The following ZNF707 variants were observed in gnomAD, a reference collection of about 807,000 sequenced individuals.
The protein encoded by ZNF707 is zinc finger protein 707.
In ZNF707, 8 loss-of-function variants were observed where a neutral mutation model predicts 13.3. The observed-to-expected ratio is 0.60, with a 90% CI of 0.35 to 1.09. The LOEUF is 1.09. Ranked by LOEUF, ZNF707 falls within the 50% of genes least tolerant of loss-of-function variation. The pLI is 0.02. For missense variants in ZNF707, 530 were observed against 512.6 expected (o/e 1.03, Z -0.33); for synonymous variants, 225 against 205.6 (o/e 1.09, Z -0.81).
rs568552559 is a variant in ZNF707, at chr8:143,685,450, CA to C, written c.-151+910del. Among the ~76,000 whole-genome samples, 96 of 151,496 alleles carry C rather than the reference CA, an allele frequency of 6.3e-4. 7 individuals carry two copies. In the South Asian group the frequency reaches 0.019, roughly 30 times the overall value. On this transcript the variant is annotated intron_variant, in intron 1 of 5. Coordinates refer to ENST00000358656, the MANE Select transcript of ZNF707 (RefSeq NM_001100598.2). ...CTGAGGCAAGAGAATCGTTTGAACC[CA>C]AGAGGCAGAGGTTGCAGTGAGCAGA...
chr8:143,694,790 G>C lies in ZNF707; in HGVS notation c.*260G>C. 1 of 469,288 alleles carries C rather than the reference G, an allele frequency of 2.1e-6. No homozygotes were observed. The highest frequency in any genetic ancestry group is 3.7e-6 in the Non-Finnish European group (1 of 267,402). 29.1% of individuals were successfully genotyped at this position (469,288 alleles called of 1,614,324 possible). On this transcript the variant is annotated 3_prime_UTR_variant, in exon 6 of 6. Coordinates refer to ENST00000358656, the MANE Select transcript of ZNF707 (RefSeq NM_001100598.2). This position sits in a 1 kb window ranked among gnomAD's most constrained non-coding sequence, Gnocchi z 4.4. ...CCCCGGCGCCGGGCATCCTGGGGAT[G>C]TGCTGAGAGTGTGCGCGACCCCGGA...
At chr8:143,688,456 G>A (rs1554612731) in intron 1 of ZNF707, among the ~76,000 whole-genome samples, 1 of 152,036 alleles carries the variant, frequency 6.6e-6, no homozygotes, top group Non-Finnish European at 1.5e-5. Flanking sequence ...GCAGGTGGTG[G>A]AGGGAGCCTC....
Position 143,694,800 on chromosome 8 carries a change from T to C in ZNF707, c.*270T>C, listed in dbSNP as rs1335417950. On this transcript the variant is annotated 3_prime_UTR_variant, in exon 6 of 6. Transcript: ENST00000358656. The surrounding 1 kb of genome is among the most constrained non-coding windows in gnomAD (Gnocchi z 4.4). The stretch of plus-strand genomic sequence containing the variant: ...GGGCATCCTGGGGATGTGCTGAGAG[T>C]GTGCGCGACCCCGGAGCCACGTGCC... 7 of 420,344 alleles carry C rather than the reference T, an allele frequency of 1.7e-5. No homozygotes were observed. Among genetic ancestry groups the C allele is most frequent in the Non-Finnish European group, 2.9e-5 (7 of 238,320 alleles). 26.0% of individuals were successfully genotyped at this position (420,344 alleles called of 1,614,324 possible). A position where few individuals can be genotyped will look rare whatever the true frequency, so the allele number is the denominator to read the frequency against.
intron 4 of ZNF707, 71 bp downstream of exon 4, chr8:143,691,270 C>A: frequency 1.3e-6 from 2 of 1,539,328 alleles, no homozygotes; most frequent in Non-Finnish European, 1.8e-6. Context: ...CCTCTGGGCC[C>A]AGCTCGTCCA....
At chr8:143,692,155 C>G (rs1816870686) in intron 5 of ZNF707, 2 of 1,298,368 alleles carry the variant, frequency 1.5e-6, no homozygotes, top group Non-Finnish European at 1.0e-6. Flanking sequence ...GTTTGCAAAA[C>G]TGGGACAGTG....
At chr8:143,690,866 TC>T in intron 3 of ZNF707, 1 of 669,878 alleles carries the variant, frequency 1.5e-6, no homozygotes, top group Non-Finnish European at 2.5e-6. Context: ...GCCCCTCCCT[TC>T]TGACCTCACT....
chr8:143,684,938 G>C (rs1465605063), intron 1 of ZNF707: 5 of 152,326 alleles, frequency 3.3e-5, no homozygotes, highest in Admixed American at 3.3e-4. Context: ...CCCGGCCCCA[G>C]GCTGAGCTCC....
intron 5 of ZNF707, chr8:143,691,927 A>G: frequency 8.4e-7 from 1 of 1,192,874 alleles, no homozygotes; most frequent in Non-Finnish European, 1.2e-6. Context: ...CGAAAGGCAT[A>G]GTGCTGCAGG....
Position 143,694,077 on chromosome 8 carries a change from C to T in ZNF707, c.663C>T (p.Arg221=). ...TCCGGTGGGCTTCAAACCTGCAGCG[C>T]CACCAGAAGAACCACACGCGCGAGA... ...QTFRWASNLQ[R]HQKNHTREKP... is the part of the protein sequence containing the mutation. Residue 221 remains arginine (R), a synonymous_variant, in exon 6 of 6, where the codon CGC becomes CGT. Transcript: ENST00000358656. This position sits in a 1 kb window ranked among gnomAD's most constrained non-coding sequence, Gnocchi z 4.4. 6.2e-7 allele frequency: 1 copy of T among 1,608,236 alleles called. No individual in the cohort carries two copies. Among genetic ancestry groups the T allele is most frequent in the South Asian group, 1.1e-5 (1 of 90,676 alleles).
intron 5 of ZNF707, 36 bp downstream of exon 5, chr8:143,691,749 T>A: frequency 6.6e-7 from 1 of 1,512,988 alleles, no homozygotes; most frequent in South Asian, 1.2e-5. Context: ...GCGGGCCCCG[T>A]CCCTGTGGCC....
rs1408501839 is a variant in ZNF707 at position 143,694,198 on chromosome 8, T to G, written c.784T>G (p.Cys262Gly). 2 of 1,573,848 alleles carry G rather than the reference T, an allele frequency of 1.3e-6. No individual in the cohort carries two copies. Among genetic ancestry groups the G allele is most frequent in the Non-Finnish European group, 1.7e-6 (2 of 1,160,544 alleles). ...KVHTEHRPYSCGDCGKAFKQK... is the reference protein window; with the variant it reads ...KVHTEHRPYSGGDCGKAFKQK... Reference sequence around the variant, plus strand: ...CCACACCGAGCACAGGCCCTACTCGTGTGGCGACTGTGGGAAAGCCTTCAA... The same window carrying G: ...CCACACCGAGCACAGGCCCTACTCGGGTGGCGACTGTGGGAAAGCCTTCAA... Residue 262 changes from cysteine (C) to glycine (G), a missense_variant, in exon 6 of 6, where the codon TGT becomes GGT. Coordinates refer to ENST00000358656, the MANE Select transcript of ZNF707 (RefSeq NM_001100598.2). This position sits in a 1 kb window ranked among gnomAD's most constrained non-coding sequence, Gnocchi z 4.4.
In ZNF707 at chr8:143,688,944, G is replaced by A. The variant is rs4875037; in HGVS notation, c.-150-260G>A. ...CTTGTAATATCTCTGTCAGGTTTTC[G>A]GTTTGGGTTTTGCTGGCCTCATTAA... On this transcript the variant is annotated intron_variant, in intron 1 of 5. Transcript: ENST00000358656. The A allele has an allele frequency of 0.21, 32,551 of 152,282 alleles. 4,730 individuals carry two copies. The highest frequency in any genetic ancestry group is 0.75 in the East Asian group (3,891 of 5,172). The allele number at this position is 152,282 out of a possible 1,614,324, so 9.4% of individuals were successfully genotyped here.
Position 143,694,674 on chromosome 8 carries a change from G to C in ZNF707, c.*144G>C. ...AGTCCTCAGAGCTCCCCAGTCCCCCGAGAAGTTTACTGGGAAAACTGCCAG... is the reference window on the plus strand; with the variant it reads ...AGTCCTCAGAGCTCCCCAGTCCCCCCAGAAGTTTACTGGGAAAACTGCCAG... On this transcript the variant is annotated 3_prime_UTR_variant, in exon 6 of 6. Coordinates refer to ENST00000358656, the MANE Select transcript of ZNF707 (RefSeq NM_001100598.2). This position sits in a 1 kb window ranked among gnomAD's most constrained non-coding sequence, Gnocchi z 4.4. 1.0e-6 allele frequency: 1 copy of C among 983,146 alleles called. No individual in the cohort carries two copies. Among genetic ancestry groups the C allele is most frequent in the Non-Finnish European group, 1.4e-6 (1 of 697,116 alleles). 60.9% of individuals were successfully genotyped at this position (983,146 alleles called of 1,614,324 possible).
At chr8:143,692,646 C>T (rs113548756) in intron 5 of ZNF707, among the ~76,000 whole-genome samples, 1 of 42,198 alleles carries the variant, frequency 2.4e-5, no homozygotes, top group African/African-American at 9.1e-5. Flanking sequence ...GTCGGATCCC[C>T]GGGTGTGTGG....
At chr8:143,685,458 A>C (rs1185066913) in intron 1 of ZNF707, among the ~76,000 whole-genome samples, 1 of 150,804 alleles carries the variant, frequency 6.6e-6, no homozygotes, top group Non-Finnish European at 1.5e-5. Context: ...CCCAAGAGGC[A>C]GAGGTTGCAG....
intron 2 of ZNF707, 62 bp from the exon 3 acceptor site, chr8:143,689,995 G>T: frequency 7.3e-7 from 1 of 1,364,984 alleles, no homozygotes; most frequent in East Asian, 2.4e-5. Flanking sequence ...GGGGCTCCTG[G>T]GGTCAGGTGC....
rs11993562 is a variant in ZNF707 at position 143,693,547 on chromosome 8, G to A, written c.257-124G>A. ...CCTGACCTCATGATCCACCCGCCTC[G>A]GCCTCCCAAAGTGCTGGGATTACAG... On this transcript the variant is annotated intron_variant, in intron 5 of 5. Coordinates refer to ENST00000358656, the MANE Select transcript of ZNF707 (RefSeq NM_001100598.2). This position sits in a 1 kb window ranked among gnomAD's most constrained non-coding sequence, Gnocchi z 4.1. The A allele has an allele frequency of 0.028, 30,650 of 1,108,024 alleles. 729 individuals carry two copies. Among genetic ancestry groups the A allele is most frequent in the African/African-American group, 0.11 (6,792 of 62,294 alleles). 68.6% of individuals were successfully genotyped at this position (1,108,024 alleles called of 1,614,324 possible). A position where few individuals can be genotyped will look rare whatever the true frequency, so the allele number is the denominator to read the frequency against.
chr8:143,692,013 TGTCC>T, intron 5 of ZNF707: 1 of 1,435,616 alleles, frequency 7.0e-7, no homozygotes, highest in Non-Finnish European at 9.2e-7. Flanking sequence ...ACCCAGGTGC[TGTCC>T]GGCGGAGGCC....
Position 143,693,461 on chromosome 8 carries a change from GT to G in ZNF707, c.257-209del, listed in dbSNP as rs1366675473. Among the ~76,000 whole-genome samples, 3 of 68,502 alleles carry G rather than the reference GT, an allele frequency of 4.4e-5. No individual in the cohort carries two copies. Among genetic ancestry groups the G allele is most frequent in the Non-Finnish European group, 1.3e-4 (3 of 23,070 alleles). The allele number at this position is 68,502 out of a possible 152,430, so 44.9% of individuals were successfully genotyped here. ...CGCCACTGCGCCCGGCTAATTTTTT[GT>G]ATTTTTTTTTTTTTAGTAGAGACGG... On this transcript the variant is annotated intron_variant, in intron 5 of 5. Coordinates refer to ENST00000358656, the MANE Select transcript of ZNF707 (RefSeq NM_001100598.2). The surrounding 1 kb of genome is among the most constrained non-coding windows in gnomAD (Gnocchi z 4.1).
Sources: allele counts gnomAD v4.1 joint callset (sites outside exome capture counted in the v4.1 genomes callset), GRCh38; gene constraint gnomAD v4.1.1; non-coding constraint Gnocchi (gnomAD v3.1); transcripts MANE v1.5; gene names NCBI Gene and HGNC (gene_info 2026-07-23, HGNC 2026-07-21).